NRCAM: variants seen among roughly 807,000 people sequenced by gnomAD.
NRCAM encodes the protein NgCAM-related cell adhesion molecule.
In NRCAM, 83 loss-of-function variants were observed where a neutral mutation model predicts 156.5. That is an observed-to-expected ratio of 0.53 (90% CI 0.44 to 0.64). NRCAM has a LOEUF of 0.64. NRCAM is among the 30% of genes least tolerant of loss of function. NRCAM has a pLI of 0.00. For synonymous variants in NRCAM, 538 were observed against 563.9 expected (o/e 0.95, Z 0.65); for missense variants, 1,417 against 1,597.3 (o/e 0.89, Z 1.92).
chr7:108,198,129 A>G (rs1209396958), intron 13 of NRCAM, 30 bp from the exon 14 acceptor site: 5 of 1,566,164 alleles, frequency 3.2e-6, no homozygotes, highest in African/African-American at 2.7e-5. Flanking sequence ...GAAAGTATTT[A>G]TTCCTATTTG....
chr7:108,293,091 G>C (rs952884491), intron 3 of NRCAM, among the ~76,000 whole-genome samples: 1 of 152,154 alleles, frequency 6.6e-6, no homozygotes, highest in African/African-American at 2.4e-5. Flanking sequence ...GGGGGTCAAT[G>C]CAGTGGAACA....
chr7:108,176,586 C>T lies in NRCAM; in HGVS notation c.2995G>A (p.Gly999Ser), dbSNP rs144412712. The change falls in exon 27 of 33, where the codon GGC becomes AGC. Residue 999 changes from glycine to serine, a missense_variant. By Grantham distance (56) the Gly-to-Ser change is moderately conservative (BLOSUM62 0). Around this residue, in one of 2 missense-constraint regions of NRCAM, gnomAD observed 1,238 missense variants for 1,336.4 expected, o/e 0.93. Transcript: ENST00000379028. ...YQPINSTHEL[G>S]PLVDLKIPAN... Reference sequence around the variant, plus strand: ...GGAATTTTCAAATCTACCAGAGGGCCTAATTCATGTGTGCTGTTAACTGTC... The same window carrying T: ...GGAATTTTCAAATCTACCAGAGGGCTTAATTCATGTGTGCTGTTAACTGTC... The T allele has an allele frequency of 9.7e-5, 156 of 1,613,182 alleles. No homozygotes were observed. Among genetic ancestry groups the T allele is most frequent in the Non-Finnish European group, 1.2e-4 (137 of 1,179,634 alleles).
At chr7:108,150,472 A>AAT (rs2040675088) in intron 32 of NRCAM, among the ~76,000 whole-genome samples, 1 of 152,208 alleles carries the variant, frequency 6.6e-6, no homozygotes, top group Admixed American at 6.5e-5. Context: ...AAGTAGAAAA[A>AAT]TCATCACTAT....
chr7:108,178,457 T>C, intron 25 of NRCAM: 1 of 374,742 alleles, frequency 2.7e-6, no homozygotes. Flanking sequence ...CAAGTGAAAC[T>C]ATTCTAACTG....
intron 20 of NRCAM, among the ~76,000 whole-genome samples, chr7:108,188,476 T>A (rs182391438): frequency 8.9e-4 from 136 of 152,214 alleles, no homozygotes; most frequent in Admixed American, 2.6e-3. Context: ...CTTATTTATA[T>A]CCTCATCTAA....
chr7:108,198,726 G>A (rs1244707607), intron 13 of NRCAM, among the ~76,000 whole-genome samples: 9 of 152,162 alleles, frequency 5.9e-5, no homozygotes, highest in Non-Finnish European at 1.3e-4. Context: ...TAAACACTAC[G>A]GGGCTAATAA....
At chr7:108,297,794 C>T (rs1428574859) in intron 3 of NRCAM, among the ~76,000 whole-genome samples, 1 of 152,150 alleles carries the variant, frequency 6.6e-6, no homozygotes, top group Non-Finnish European at 1.5e-5. Context: ...TGTGTGCATG[C>T]GCACGTATGT....
intron 32 of NRCAM, chr7:108,156,402 G>T: frequency 1.0e-6 from 1 of 984,336 alleles, no homozygotes; most frequent in Non-Finnish European, 1.2e-6. Context: ...TGGTTGCATT[G>T]TTTCTCTGAT....
chr7:108,221,484 G>A (rs1470519458), intron 11 of NRCAM, among the ~76,000 whole-genome samples: 5 of 152,016 alleles, frequency 3.3e-5, no homozygotes, highest in African/African-American at 1.2e-4. Context: ...TAAAGAAACT[G>A]TGGTATATAT....
Position 108,446,294 on chromosome 7 carries a change from C to T in NRCAM, c.-332+9949G>A, listed in dbSNP as rs529239489. Among the ~76,000 whole-genome samples, 397 of 152,310 alleles carry T rather than the reference C, an allele frequency of 2.6e-3. 1 individual carries two copies. The highest frequency in any genetic ancestry group is 8.1e-3 in the African/African-American group (338 of 41,574). ...GAACCAGCAAGCAAATTACAATCTA[C>T]AGAGTCCAGGCATGAAATTATAAAT... On this transcript the variant is annotated intron_variant, in intron 1 of 32. Coordinates refer to ENST00000379028, the MANE Select transcript of NRCAM (RefSeq NM_001037132.4).
intron 2 of NRCAM, among the ~76,000 whole-genome samples, chr7:108,339,324 T>G (rs761649373): frequency 6.6e-6 from 1 of 152,216 alleles, no homozygotes; most frequent in Non-Finnish European, 1.5e-5. Flanking sequence ...AACTGCCTAA[T>G]AATTGGTCTC....
At chr7:108,433,114 T>C (rs1827752650) in intron 1 of NRCAM, among the ~76,000 whole-genome samples, 1 of 152,192 alleles carries the variant, frequency 6.6e-6, no homozygotes, top group African/African-American at 2.4e-5. Context: ...GCTCTCTTTG[T>C]TCCCACCCAT....
intron 2 of NRCAM, among the ~76,000 whole-genome samples, chr7:108,385,381 G>A (rs1192883823): frequency 3.9e-5 from 6 of 152,184 alleles, no homozygotes; most frequent in Non-Finnish European, 8.8e-5. Flanking sequence ...AATCACATGA[G>A]AGAATTTCAG....
chr7:108,181,085 T>C (rs1415387374), intron 24 of NRCAM, among the ~76,000 whole-genome samples: 1 of 152,226 alleles, frequency 6.6e-6, no homozygotes, highest in Non-Finnish European at 1.5e-5. Flanking sequence ...CTGATTAATT[T>C]TGGTCACAAA....
chr7:108,305,164 A>G (rs1592565712), intron 3 of NRCAM, among the ~76,000 whole-genome samples: 1 of 152,222 alleles, frequency 6.6e-6, no homozygotes, highest in Non-Finnish European at 1.5e-5. Context: ...CTATGGCAAG[A>G]AAGTTTTTCA....
intron 22 of NRCAM, among the ~76,000 whole-genome samples, 159 bp from the exon 23 acceptor site, chr7:108,183,079 T>G (rs1185597912): frequency 6.6e-6 from 1 of 152,282 alleles, no homozygotes; most frequent in Non-Finnish European, 1.5e-5. Flanking sequence ...CTATCAATTG[T>G]GCATTTGCAA....
intron 1 of NRCAM, among the ~76,000 whole-genome samples, chr7:108,427,627 A>G (rs1819047073): frequency 6.6e-6 from 1 of 152,230 alleles, no homozygotes; most frequent in Non-Finnish European, 1.5e-5. Flanking sequence ...CACTAAAAAT[A>G]GCTAAACTCT....
At chr7:108,186,559 C>A (rs2066904223) in intron 20 of NRCAM, among the ~76,000 whole-genome samples, 1 of 152,136 alleles carries the variant, frequency 6.6e-6, no homozygotes, top group South Asian at 2.1e-4. Flanking sequence ...TGAGTTATCA[C>A]ATAACCTCCT....
rs62469193 is a variant in NRCAM at position 108,271,161 on chromosome 7, A to G, written c.-106-30991T>C. Among the ~76,000 whole-genome samples, 667 of 152,342 alleles carry G rather than the reference A, an allele frequency of 4.4e-3. 3 individuals carry two copies. The highest frequency in any genetic ancestry group is 6.8e-3 in the Middle Eastern group (2 of 294). ...ATTATGTTATGCATATTTTACCACAATAAAGATCAAACAGCTACCAGCAAG... is the reference window on the plus strand; with the variant it reads ...ATTATGTTATGCATATTTTACCACAGTAAAGATCAAACAGCTACCAGCAAG... On this transcript the variant is annotated intron_variant, in intron 3 of 32. Coordinates refer to ENST00000379028, the MANE Select transcript of NRCAM (RefSeq NM_001037132.4).
Sources: allele counts gnomAD v4.1 joint callset (sites outside exome capture counted in the v4.1 genomes callset), GRCh38; gene constraint gnomAD v4.1.1; regional missense constraint gnomAD v4.1.1; transcripts MANE v1.5; gene names NCBI Gene and HGNC (gene_info 2026-07-23, HGNC 2026-07-21).